The following ZNF423 variants were observed in gnomAD, a reference collection of about 807,000 sequenced individuals.
ZNF423 encodes the protein zinc finger protein 423.
Under a neutral mutation model 95.8 loss-of-function variants are expected in ZNF423, and 12 were observed. That is an observed-to-expected ratio of 0.13 (90% CI 0.08 to 0.20). ZNF423 has a LOEUF of 0.20. Among genes scored for constraint, ZNF423 ranks in the 10% least tolerant of loss-of-function variants. ZNF423 has a pLI of 1.00. For synonymous variants in ZNF423, 749 were observed against 711.9 expected, an observed-to-expected ratio of 1.05 and a Z score of -0.83; for missense variants, 1,316 against 1,737.1, an observed-to-expected ratio of 0.76 and a Z score of 4.31.
At chr16:49,724,515 G>A (rs961642139) in intron 3 of ZNF423, among the ~76,000 whole-genome samples, 1 of 152,218 alleles carries the variant, frequency 6.6e-6, no homozygotes, top group Non-Finnish European at 1.5e-5. Context: ...GACCAAAACA[G>A]AGCCAGTTCG....
At chr16:49,593,783 G>A (rs1971093918) in intron 5 of ZNF423, among the ~76,000 whole-genome samples, 1 of 152,142 alleles carries the variant, frequency 6.6e-6, no homozygotes, top group Non-Finnish European at 1.5e-5. Context: ...CACTTCCTTT[G>A]CAAAGTGAGT....
chr16:49,740,881 T>C (rs146662943), intron 2 of ZNF423, among the ~76,000 whole-genome samples: 5 of 152,376 alleles, frequency 3.3e-5, no homozygotes, highest in Non-Finnish European at 4.4e-5. Context: ...AGCAGTGTGA[T>C]GGCAATCGCC....
chr16:49,576,657 A>G (rs1051383225), intron 5 of ZNF423, among the ~76,000 whole-genome samples: 10 of 152,168 alleles, frequency 6.6e-5, no homozygotes, highest in African/African-American at 9.7e-5. Context: ...CTGCCCACAC[A>G]GTCTGCCCCA....
At chr16:49,609,677 C>G (rs1363404073) in intron 5 of ZNF423, among the ~76,000 whole-genome samples, 1 of 151,486 alleles carries the variant, frequency 6.6e-6, no homozygotes, top group East Asian at 1.9e-4. Context: ...TAAAAATCAC[C>G]CAGAGTTTCA....
intron 3 of ZNF423, among the ~76,000 whole-genome samples, chr16:49,715,118 G>T (rs2032664298): frequency 6.6e-6 from 1 of 152,218 alleles, no homozygotes; most frequent in South Asian, 2.1e-4. Flanking sequence ...CTGCCACAAG[G>T]CCAGAGACAG....
At chr16:49,818,606 C>G (rs2034892363) in intron 1 of ZNF423, among the ~76,000 whole-genome samples, 2 of 152,000 alleles carry the variant, frequency 1.3e-5, no homozygotes, top group Admixed American at 1.3e-4. Flanking sequence ...TAAAAAAGAA[C>G]TGGGTGCAGT....
chr16:49,672,478 C>T, intron 3 of ZNF423, among the ~76,000 whole-genome samples: 1 of 141,574 alleles, frequency 7.1e-6, no homozygotes, highest in Admixed American at 6.7e-5. Flanking sequence ...CACTCTCCAT[C>T]CCCAGGGTGT....
chr16:49,608,329 G>A (rs1567500716), intron 5 of ZNF423, among the ~76,000 whole-genome samples: 1 of 152,122 alleles, frequency 6.6e-6, no homozygotes, highest in African/African-American at 2.4e-5. Context: ...AAGGAGGAGG[G>A]GCCTGAGCTC....
intron 3 of ZNF423, among the ~76,000 whole-genome samples, chr16:49,654,038 C>T (rs1194645259): frequency 6.6e-6 from 1 of 152,222 alleles, no homozygotes; most frequent in Non-Finnish European, 1.5e-5. Context: ...TGACCACTAC[C>T]ACCATTAACC....
At chr16:49,851,503 A>T (rs1759211189) in intron 1 of ZNF423, among the ~76,000 whole-genome samples, 2 of 152,216 alleles carry the variant, frequency 1.3e-5, no homozygotes, top group African/African-American at 4.8e-5. Flanking sequence ...ATTGAACCAG[A>T]TCCCCAGCCT....
In ZNF423 at chr16:49,682,839, T is replaced by G. The variant is rs8062007; in HGVS notation, c.302-43965A>C. ...GCAATTATTTTGTCATGATGGCAAT[T>G]CTTACATCTGCACTGTGTATTGGCG... On this transcript the variant is annotated intron_variant, in intron 3 of 7. Coordinates refer to ENST00000563137, the MANE Select transcript of ZNF423 (RefSeq NM_001379286.1). 6.1e-3 allele frequency among the ~76,000 whole-genome samples: 926 copies of G among 152,336 alleles called. 11 individuals are homozygous for G. The highest frequency in any genetic ancestry group is 0.021 in the African/African-American group (855 of 41,578).
Position 49,730,943 on chromosome 16 carries a change from A to T in ZNF423, c.129T>A (p.Asp43Glu). 1 of 1,614,124 alleles carries T rather than the reference A, an allele frequency of 6.2e-7. No homozygotes were observed. Among genetic ancestry groups the T allele is most frequent in the Non-Finnish European group, 8.5e-7 (1 of 1,180,036 alleles). The part of the protein sequence containing the change: ...AGGLEGEPEC[D>E]QKTSRALEDR... ...CTTCCAGCGCACGGCTGGTTTTCTG[A>T]TCGCACTCTGGCTCTCCTTCTAGGC... Residue 43 changes from aspartate to glutamate, a missense_variant, in exon 3 of 8, where the codon GAT becomes GAA. Physicochemically the swap from Asp to Glu is conservative, Grantham distance 45. Around this residue, in one of 6 missense-constraint regions of ZNF423, gnomAD observed 155 missense variants for 170.8 expected, o/e 0.91. Transcript: ENST00000563137.
intron 3 of ZNF423, among the ~76,000 whole-genome samples, chr16:49,700,403 G>T (rs949260318): frequency 2.0e-5 from 3 of 152,144 alleles, no homozygotes; most frequent in African/African-American, 4.8e-5. Context: ...AGCAGAAAAG[G>T]CCCCTCCTGA....
chr16:49,496,364 T>C (rs55876311), intron 7 of ZNF423, among the ~76,000 whole-genome samples: 39,797 of 152,110 alleles, frequency 0.26, 5,313 homozygotes, highest in South Asian at 0.32. Flanking sequence ...GTTTAGGTCA[T>C]GGGAGAGGAT....
rs1392780193 is a variant in ZNF423 at position 49,502,943 on chromosome 16, C to CACACAT, written c.3850-11640_3850-11639insATGTGT. The stretch of plus-strand genomic sequence containing the variant: ...ACACACACACACACACACACACACA[C>CACACAT]ATGGATGCCCCACAATCCCATGCAC... On this transcript the variant is annotated intron_variant, in intron 7 of 7. Transcript: ENST00000563137. 1.2e-4 allele frequency among the ~76,000 whole-genome samples: 17 copies of CACACAT among 143,716 alleles called. 1 individual carries two copies. Among genetic ancestry groups the CACACAT allele is most frequent in the African/African-American group, 4.5e-4 (17 of 37,606 alleles). The allele number at this position is 143,716 out of a possible 152,430, so 94.3% of individuals were successfully genotyped here.
At chr16:49,749,499 T>TA (rs966987737) in intron 2 of ZNF423, among the ~76,000 whole-genome samples, 18 of 152,328 alleles carry the variant, frequency 1.2e-4, no homozygotes, top group African/African-American at 3.8e-4. Context: ...AGAAAAATAG[T>TA]AAAAAACACC....
At chr16:49,653,042 CAAT>C (rs949989317) in intron 3 of ZNF423, among the ~76,000 whole-genome samples, 19 of 152,280 alleles carry the variant, frequency 1.2e-4, no homozygotes, top group African/African-American at 4.1e-4. Flanking sequence ...CTCTGTGAAT[CAAT>C]AATAACTCAC....
chr16:49,531,710 AG>A (rs1223623597), intron 5 of ZNF423, among the ~76,000 whole-genome samples: 8 of 152,200 alleles, frequency 5.3e-5, no homozygotes, highest in Non-Finnish European at 1.0e-4. Flanking sequence ...GGAGTCAACC[AG>A]GGTCATAGGA....
chr16:49,621,014 CCTCT>C (rs748788105), intron 5 of ZNF423, among the ~76,000 whole-genome samples: 21 of 152,204 alleles, frequency 1.4e-4, no homozygotes, highest in Non-Finnish European at 2.8e-4. Context: ...CATAAGCCTC[CCTCT>C]CTCTCCTTCA....
Sources: gnomAD v4.1 joint callset for allele counts (sites outside exome capture counted in the v4.1 genomes callset) on GRCh38, gnomAD v4.1.1 for gene constraint, gnomAD v4.1.1 regional missense constraint, MANE v1.5 for transcripts, NCBI Gene and HGNC (gene_info 2026-07-23, HGNC 2026-07-21) for gene names.